SYN3: variants seen among roughly 807,000 people sequenced by gnomAD.
The protein encoded by SYN3 is synapsin-3.
A neutral mutation model predicts 65.8 loss-of-function variants in SYN3; 35 were observed. The ratio of observed to expected loss-of-function variants is 0.53; its 90% CI spans 0.41 to 0.70. The LOEUF (loss-of-function observed/expected upper bound fraction) is 0.70, where lower values mean the gene tolerates loss of function less well. Ranked by LOEUF, SYN3 falls within the 30% of genes least tolerant of loss-of-function variation. The pLI is 0.00. For synonymous variants in SYN3, 270 were observed against 292.9 expected, an observed-to-expected ratio of 0.92 and a Z score of 0.80; for missense variants, 680 against 749.0, an observed-to-expected ratio of 0.91 and a Z score of 1.08.
At chr22:32,633,012 C>T (rs926651752) in intron 6 of SYN3, among the ~76,000 whole-genome samples, 6 of 152,166 alleles carry the variant, frequency 3.9e-5, no homozygotes, top group Admixed American at 2.6e-4. Context: ...GGTTCTCACC[C>T]GGCTCCTTCA....
chr22:32,675,839 T>G (rs1314556414), intron 6 of SYN3, among the ~76,000 whole-genome samples: 1 of 152,070 alleles, frequency 6.6e-6, no homozygotes, highest in Non-Finnish European at 1.5e-5. Flanking sequence ...AGGGACCCAG[T>G]GAGGGGGAAG....
rs1020230867 is a variant in SYN3 at position 32,915,728 on chromosome 22, T to G, written c.461+15662A>C. 3.9e-5 allele frequency among the ~76,000 whole-genome samples: 6 copies of G among 152,328 alleles called. 1 individual carries two copies. The highest frequency in any genetic ancestry group is 1.9e-4 in the East Asian group (1 of 5,184). ...GGCAGCAGCAGAAGCCTAGATCATA[T>G]GAGGTTTTGCAAACCATAGTCAGGA... On this transcript the variant is annotated intron_variant, in intron 4 of 13. Coordinates refer to ENST00000358763, the MANE Select transcript of SYN3 (RefSeq NM_003490.4).
At chr22:32,590,329 C>T (rs899597861) in intron 7 of SYN3, among the ~76,000 whole-genome samples, 18 of 152,156 alleles carry the variant, frequency 1.2e-4, no homozygotes, top group African/African-American at 4.3e-4. Context: ...TGACTTATTT[C>T]ACTAAATGGT....
At chr22:32,695,880 G>A (rs1189233196) in intron 6 of SYN3, among the ~76,000 whole-genome samples, 4 of 151,650 alleles carry the variant, frequency 2.6e-5, no homozygotes, top group Admixed American at 1.3e-4. Context: ...CAGCCTTTAG[G>A]GATCTTTTAT....
intron 6 of SYN3, among the ~76,000 whole-genome samples, chr22:32,752,833 T>A (rs2045172042): frequency 6.6e-6 from 1 of 152,098 alleles, no homozygotes; most frequent in Admixed American, 6.5e-5. Flanking sequence ...TGCCATGTTT[T>A]ACCATGGGGA....
At chr22:32,658,691 A>G (rs2060175773) in intron 6 of SYN3, among the ~76,000 whole-genome samples, 1 of 152,126 alleles carries the variant, frequency 6.6e-6, no homozygotes, top group Non-Finnish European at 1.5e-5. Context: ...TTTAGGGTGA[A>G]CATGGGGTCG....
chr22:32,703,454 C>A (rs553014998), intron 6 of SYN3, among the ~76,000 whole-genome samples: 1 of 151,962 alleles, frequency 6.6e-6, no homozygotes, highest in Non-Finnish European at 1.5e-5. Flanking sequence ...CTGGCCAACA[C>A]GGTGAAACCC....
At chr22:33,004,362 A>C (rs1321355563) in intron 2 of SYN3, among the ~76,000 whole-genome samples, 1 of 152,260 alleles carries the variant, frequency 6.6e-6, no homozygotes, top group Non-Finnish European at 1.5e-5. Flanking sequence ...TGTACCCTGC[A>C]AAACTATAGG....
intron 9 of SYN3, among the ~76,000 whole-genome samples, chr22:32,534,760 C>T (rs551587165): frequency 6.6e-6 from 1 of 152,320 alleles, no homozygotes; most frequent in Admixed American, 6.5e-5. Flanking sequence ...CTCTGAGCCA[C>T]AAGTGCTGGG....
At chr22:32,746,859 A>G (rs1238115594) in intron 6 of SYN3, among the ~76,000 whole-genome samples, 3 of 152,188 alleles carry the variant, frequency 2.0e-5, no homozygotes, top group Non-Finnish European at 2.9e-5. Flanking sequence ...ATTAAGCCAG[A>G]CATTTTCAAG....
chr22:32,805,016 TGC>T (rs200930716), intron 6 of SYN3, among the ~76,000 whole-genome samples: 7 of 52,620 alleles, frequency 1.3e-4, no homozygotes, highest in South Asian at 4.0e-4. Context: ...TCTGAAAATG[TGC>T]GTGTGTGCGT....
chr22:32,519,196 A>T (rs1433541549), intron 12 of SYN3, among the ~76,000 whole-genome samples: 2 of 152,172 alleles, frequency 1.3e-5, no homozygotes, highest in Non-Finnish European at 2.9e-5. Context: ...AAACTAATAT[A>T]GGCAGGATCT....
At chr22:32,841,398 G>C (rs2047898135) in intron 6 of SYN3, among the ~76,000 whole-genome samples, 5 of 152,182 alleles carry the variant, frequency 3.3e-5, no homozygotes, top group Admixed American at 3.3e-4. Context: ...CCCCGCCCAA[G>C]TGAAGAAAGA....
chr22:32,975,875 C>T (rs1221514713), intron 3 of SYN3, among the ~76,000 whole-genome samples: 1 of 152,196 alleles, frequency 6.6e-6, no homozygotes, highest in Admixed American at 6.5e-5. Context: ...TGTTACCAAA[C>T]CACCAAACTG....
At position 32,539,524 on chromosome 22, in the gene SYN3, A is replaced by C. The variant is rs542829432; in HGVS notation, c.918-1414T>G. The stretch of plus-strand genomic sequence containing the variant: ...TATGTGTATACACGGGTAAGGATAC[A>C]CACATGTACTTCCTTACTGTGTCTG... On this transcript the variant is annotated intron_variant, in intron 8 of 13. Coordinates refer to ENST00000358763, the MANE Select transcript of SYN3 (RefSeq NM_003490.4). Among the ~76,000 whole-genome samples, 3 of 152,266 alleles carry C rather than the reference A, an allele frequency of 2.0e-5. No homozygotes were observed. The East Asian group carries it at 5.8e-4, about 30-fold the overall frequency.
rs1555885919 is a variant in SYN3, at chr22:32,510,984, C to CATGTGTGTGTGT, written c.*2707_*2708insACACACACACAT. 1.4e-5 allele frequency among the ~76,000 whole-genome samples: 2 copies of CATGTGTGTGTGT among 142,928 alleles called. No homozygotes were observed. The highest frequency in any genetic ancestry group is 4.6e-4 in the South Asian group (2 of 4,332). 93.8% of individuals were successfully genotyped at this position (142,928 alleles called of 152,430 possible). On this transcript the variant is annotated 3_prime_UTR_variant, in exon 14 of 14. Transcript: ENST00000358763. ...TGTCAATTCCAAGTTATTGTCCAGGCGTGTGTGTGTGTGTGTGTGTGTGTG... is the reference window on the plus strand; with the variant it reads ...TGTCAATTCCAAGTTATTGTCCAGGCATGTGTGTGTGTGTGTGTGTGTGTGTGTGTGTGTGTG...
intron 1 of SYN3, among the ~76,000 whole-genome samples, chr22:33,034,897 C>A (rs533389058): frequency 6.6e-6 from 1 of 152,192 alleles, no homozygotes; most frequent in Non-Finnish European, 1.5e-5. Context: ...TGTCTCCTCT[C>A]CTGGTGCCAA....
At chr22:32,771,077 G>A (rs2045757646) in intron 6 of SYN3, among the ~76,000 whole-genome samples, 1 of 151,796 alleles carries the variant, frequency 6.6e-6, no homozygotes, top group African/African-American at 2.4e-5. Context: ...CCCCCCAACA[G>A]GCCCTGGTGT....
intron 6 of SYN3, among the ~76,000 whole-genome samples, chr22:32,769,764 G>A (rs962866800): frequency 2.0e-5 from 3 of 152,062 alleles, no homozygotes; most frequent in Non-Finnish European, 4.4e-5. Context: ...TGATCCGCCT[G>A]TCTCGGCCTC....
Sources: gnomAD v4.1 joint callset for allele counts (sites outside exome capture counted in the v4.1 genomes callset) on GRCh38, gnomAD v4.1.1 for gene constraint, MANE v1.5 for transcripts, NCBI Gene and HGNC (gene_info 2026-07-23, HGNC 2026-07-21) for gene names.